ZC3H12D: variants seen among roughly 807,000 people sequenced by gnomAD.
ZC3H12D encodes the protein probable ribonuclease ZC3H12D.
In ZC3H12D, 11 loss-of-function variants were observed where a neutral mutation model predicts 24.2. The observed-to-expected ratio is 0.46, with a 90% CI of 0.29 to 0.75. The LOEUF is 0.75. ZC3H12D is among the 30% of genes least tolerant of loss of function. The pLI, the probability that ZC3H12D is intolerant of heterozygous loss-of-function variation, is 0.11. For synonymous variants in ZC3H12D, 333 were observed against 341.8 expected (o/e 0.97, Z 0.28); for missense variants, 740 against 767.7 (o/e 0.96, Z 0.43).
chr6:149,455,402 C>T (rs1445431275), intron 4 of ZC3H12D, among the ~76,000 whole-genome samples: 2 of 152,202 alleles, frequency 1.3e-5, no homozygotes, highest in African/African-American at 4.8e-5. Flanking sequence ...TTGTCTAAAA[C>T]CACGTTCCAA....
rs1776076432 is a variant in ZC3H12D at position 149,461,769 on chromosome 6, G to A, written c.445+62C>T. ...ACTAAGTAGATATTTGACTATCGAT[G>A]TTAGAAGTGCACCAAGGAAACGTGT... On this transcript the variant is annotated intron_variant, in intron 3 of 5. Transcript: ENST00000409806. 4.7e-6 allele frequency: 7 copies of A among 1,488,954 alleles called. No individual in the cohort carries two copies. In the Admixed American group the frequency reaches 1.1e-4, roughly 24 times the overall value. The allele number at this position is 1,488,954 out of a possible 1,614,324, so 92.2% of individuals were successfully genotyped here. A position where few individuals can be genotyped will look rare whatever the true frequency, so the allele number is the denominator to read the frequency against.
rs761610714 is a variant in ZC3H12D, at chr6:149,456,913, C to A, written c.446-13G>T. ...AGCACGTGCTGCTCTGAGGGCGGGG[C>A]GACGGAGACGCGGGTGAGGGCCCAA... On this transcript the variant is annotated splice_polypyrimidine_tract_variant and intron_variant, in intron 3 of 5. Transcript: ENST00000409806. This position sits in a 1 kb window ranked among gnomAD's most constrained non-coding sequence, Gnocchi z 4.3. 1 of 1,589,614 alleles carries A rather than the reference C, an allele frequency of 6.3e-7. No individual in the cohort carries two copies. Among genetic ancestry groups the A allele is most frequent in the South Asian group, 1.1e-5 (1 of 90,788 alleles).
intron 3 of ZC3H12D, among the ~76,000 whole-genome samples, chr6:149,460,571 A>G (rs755091787): frequency 6.6e-6 from 1 of 152,176 alleles, no homozygotes; most frequent in African/African-American, 2.4e-5. Flanking sequence ...GCGGTGGCTC[A>G]CACATGTAAT....
chr6:149,456,942 C>T lies in ZC3H12D; in HGVS notation c.446-42G>A. On this transcript the variant is annotated intron_variant, in intron 3 of 5. Transcript: ENST00000409806. The surrounding 1 kb of genome is among the most constrained non-coding windows in gnomAD (Gnocchi z 4.3). ...GGAGACGCGGGTGAGGGCCCAAGGG[C>T]ACCGCCCCTGAGAACCACCCCCAAC... 1 of 1,569,722 alleles carries T rather than the reference C, an allele frequency of 6.4e-7. No homozygotes were observed. Among genetic ancestry groups the T allele is most frequent in the Non-Finnish European group, 8.6e-7 (1 of 1,158,096 alleles).
intron 5 of ZC3H12D, among the ~76,000 whole-genome samples, chr6:149,451,695 C>T (rs1036360448): frequency 2.6e-5 from 4 of 152,228 alleles, no homozygotes; most frequent in African/African-American, 9.6e-5. Context: ...GCCCGGGAGG[C>T]GCGGGCGGCC....
At chr6:149,480,737 AAAAAAAAC>A (rs1408024283) in intron 1 of ZC3H12D, among the ~76,000 whole-genome samples, 1 of 136,102 alleles carries the variant, frequency 7.3e-6, no homozygotes, top group African/African-American at 3.4e-5. Flanking sequence ...ACTCTGTCTC[AAAAAAAAC>A]AAAAAAAACA....
chr6:149,464,120 C>T (rs1261115773), intron 2 of ZC3H12D, among the ~76,000 whole-genome samples: 1 of 152,170 alleles, frequency 6.6e-6, no homozygotes, highest in African/African-American at 2.4e-5. Context: ...AGTGAGCAGC[C>T]TGGGCTGGAG....
rs1441848654 is a variant in ZC3H12D, at chr6:149,450,823, G to C, written c.1444C>G (p.Arg482Gly). Residue 482 changes from arginine (R) to glycine (G), a missense_variant, in exon 6 of 6, where the codon CGC becomes GGC. Physicochemically the swap from Arg to Gly is moderately radical, Grantham distance 125. Transcript: ENST00000409806. Reference sequence around the variant, plus strand: ...GGGAAGACGCTGTAGAGCGCGATGCGAGCCCGGGCGCGCGCGTCCCCCTCG... The same window carrying C: ...GGGAAGACGCTGTAGAGCGCGATGCCAGCCCGGGCGCGCGCGTCCCCCTCG... ...DDEGDARARA[R>G]IALYSVFPRD... 4 of 1,546,992 alleles carry C rather than the reference G, an allele frequency of 2.6e-6. No homozygotes were observed. The East Asian group carries it at 9.8e-5, about 38-fold the overall frequency.
chr6:149,451,581 G>A (rs1775897120), intron 5 of ZC3H12D, 102 bp from the exon 6 acceptor site: 4 of 1,058,804 alleles, frequency 3.8e-6, no homozygotes, highest in East Asian at 6.6e-5. Flanking sequence ...CGGCCTCTCC[G>A]TGGAGATTCC....
At chr6:149,465,070 G>C (rs1776130043) in intron 2 of ZC3H12D, among the ~76,000 whole-genome samples, 1 of 152,170 alleles carries the variant, frequency 6.6e-6, no homozygotes, top group Admixed American at 6.5e-5. Flanking sequence ...GTTTATAAAA[G>C]AAAAAGGACG....
At chr6:149,465,636 T>C (rs1446760136) in intron 2 of ZC3H12D, among the ~76,000 whole-genome samples, 2 of 151,874 alleles carry the variant, frequency 1.3e-5, no homozygotes, top group African/African-American at 4.8e-5. Context: ...GCACATGTAG[T>C]TCCAGCTACT....
At chr6:149,475,236 C>A (rs1009785445) in intron 1 of ZC3H12D, among the ~76,000 whole-genome samples, 1 of 152,114 alleles carries the variant, frequency 6.6e-6, no homozygotes, top group South Asian at 2.1e-4. Flanking sequence ...TCTGGGGCAC[C>A]CAGCTCTCGG....
chr6:149,453,331 G>A (rs189999526), intron 4 of ZC3H12D, among the ~76,000 whole-genome samples: 30 of 151,274 alleles, frequency 2.0e-4, no homozygotes, highest in Admixed American at 5.3e-4. Flanking sequence ...TCCGAGCTTC[G>A]CGCAAGACCT....
At chr6:149,474,164 G>T in intron 2 of ZC3H12D, 75 bp downstream of exon 2, 1 of 1,308,744 alleles carries the variant, frequency 7.6e-7, no homozygotes, top group Non-Finnish European at 1.0e-6. Context: ...CAAACCACAA[G>T]GAAGAGGGAC....
At chr6:149,451,940 G>A (rs1300907598) in intron 5 of ZC3H12D, among the ~76,000 whole-genome samples, 2 of 152,230 alleles carry the variant, frequency 1.3e-5, no homozygotes, top group Non-Finnish European at 2.9e-5. Context: ...CTCCGTGTTC[G>A]CTGTGCTAAC....
At chr6:149,478,162 A>C (rs895690528) in intron 1 of ZC3H12D, among the ~76,000 whole-genome samples, 1 of 80,194 alleles carries the variant, frequency 1.2e-5, no homozygotes, top group African/African-American at 9.7e-5. Flanking sequence ...GCAAGACTCC[A>C]TCTCAAAAAA....
intron 3 of ZC3H12D, among the ~76,000 whole-genome samples, chr6:149,459,137 C>G (rs1776033456): frequency 1.4e-5 from 2 of 142,014 alleles, no homozygotes; most frequent in South Asian, 4.3e-4. Flanking sequence ...ATGTATTCAT[C>G]TTTCTTCATA....
intron 3 of ZC3H12D, among the ~76,000 whole-genome samples, chr6:149,460,690 C>T (rs372532930): frequency 2.0e-5 from 3 of 152,036 alleles, no homozygotes; most frequent in Non-Finnish European, 4.4e-5. Flanking sequence ...ATTAGCTGGG[C>T]GTGGTGGCAC....
At position 149,451,153 on chromosome 6, in the gene ZC3H12D, G is replaced by A. The variant is rs1298264432; in HGVS notation, c.1114C>T (p.Arg372Ter). 1 of 1,330,488 alleles carries A rather than the reference G, an allele frequency of 7.5e-7. No homozygotes were observed. The highest frequency in any genetic ancestry group is 4.1e-5 in the Admixed American group (1 of 24,232). 82.4% of individuals were successfully genotyped at this position (1,330,488 alleles called of 1,614,324 possible). Residue 372 changes from arginine (R) to a stop codon, truncating the protein, a stop_gained, in exon 6 of 6, where the codon CGA becomes TGA. Transcript: ENST00000409806. LOFTEE classifies it low-confidence loss of function (END_TRUNC). ...LPVPACSLTP[R>*]LGGPDWVSAG... Reference sequence around the variant, plus strand: ...GACACCCAGTCGGGCCCGCCCAGTCGGGGCGTGAGGCTGCAGGCGGGGACC... The same window carrying A: ...GACACCCAGTCGGGCCCGCCCAGTCAGGGCGTGAGGCTGCAGGCGGGGACC...
Sources: gnomAD v4.1 joint callset for allele counts (sites outside exome capture counted in the v4.1 genomes callset) on GRCh38, gnomAD v4.1.1 for gene constraint, Gnocchi (gnomAD v3.1) non-coding constraint, MANE v1.5 for transcripts, NCBI Gene and HGNC (gene_info 2026-07-23, HGNC 2026-07-21) for gene names.